The following ZFHX3 variants were observed in gnomAD, a reference collection of about 807,000 sequenced individuals.
ZFHX3 encodes the protein zinc finger homeobox protein 3.
In ZFHX3, 42 loss-of-function variants were observed where a neutral mutation model predicts 279.1. The observed-to-expected ratio is 0.15, with a 90% CI of 0.12 to 0.19. The LOEUF is 0.19. Ranked by LOEUF, ZFHX3 falls within the 10% of genes least tolerant of loss-of-function variation. ZFHX3 has a pLI of 1.00. For synonymous variants in ZFHX3, 2,293 were observed against 1,957.8 expected, an observed-to-expected ratio of 1.17 and a Z score of -4.52; for missense variants, 4,981 against 4,754.0, an observed-to-expected ratio of 1.05 and a Z score of -1.40.
chr16:72,936,276 C>T (rs557525359), intron 3 of ZFHX3, among the ~76,000 whole-genome samples: 4 of 152,292 alleles, frequency 2.6e-5, no homozygotes, highest in South Asian at 2.1e-4. Flanking sequence ...GGCAGAAGCA[C>T]GGCATGCTCT....
At position 72,949,754 on chromosome 16, in the gene ZFHX3, G is replaced by A. The variant is rs1169753123; in HGVS notation, c.3216+715C>T. ...CACAGAACCCAGGAAGCAACAGAGC[G>A]GGGAAGAAAAAAAAAACACACAAAG... On this transcript the variant is annotated intron_variant, in intron 3 of 9. Coordinates refer to ENST00000268489, the MANE Select transcript of ZFHX3 (RefSeq NM_006885.4). Among the ~76,000 whole-genome samples, 3 of 138,890 alleles carry A rather than the reference G, an allele frequency of 2.2e-5. 1 individual carries two copies. Among genetic ancestry groups the A allele is most frequent in the African/African-American group, 8.1e-5 (3 of 36,960 alleles). 91.1% of individuals were successfully genotyped at this position (138,890 alleles called of 152,430 possible). A position where few individuals can be genotyped will look rare whatever the true frequency, so the allele number is the denominator to read the frequency against.
intron 1 of ZFHX3, among the ~76,000 whole-genome samples, chr16:73,716,026 A>G (rs1354129243): frequency 6.6e-6 from 1 of 152,212 alleles, no homozygotes. Context: ...ACATTGTTTG[A>G]AAAATTATTT....
At chr16:73,145,070 A>G (rs1054338008) in intron 5 of ZFHX3, among the ~76,000 whole-genome samples, 25 of 152,166 alleles carry the variant, frequency 1.6e-4, no homozygotes, top group African/African-American at 6.0e-4. Flanking sequence ...CCTGTGCTGA[A>G]AGCCCCCATG....
At chr16:73,096,151 G>A (rs1966159334) in intron 7 of ZFHX3, among the ~76,000 whole-genome samples, 1 of 152,110 alleles carries the variant, frequency 6.6e-6, no homozygotes, top group South Asian at 2.1e-4. Flanking sequence ...CAGGGACCTG[G>A]AAACTCTTTA....
At position 73,019,354 on chromosome 16, in the gene ZFHX3, G is replaced by A. The variant is rs989983916; in HGVS notation, c.-50+28398C>T. Among the ~76,000 whole-genome samples the A allele has an allele frequency of 2.0e-5, 3 of 152,142 alleles. No individual in the cohort carries two copies. In the South Asian group the frequency reaches 6.2e-4, roughly 32 times the overall value. ...TGTGTGTGTCTGTGCGTGTGTGTGT[G>A]TGTGTGTGTGTGTGCGTGTGCGTGT... On this transcript the variant is annotated intron_variant, in intron 1 of 9. Transcript: ENST00000268489.
In ZFHX3 at chr16:73,485,437, A is replaced by AAG. The variant is rs1409045717; in HGVS notation, c.-1546-29180_-1546-29179insCT. 6.5e-4 allele frequency among the ~76,000 whole-genome samples: 72 copies of AAG among 111,174 alleles called. No individual in the cohort carries two copies. In the East Asian group the frequency reaches 0.015, roughly 23 times the overall value. The allele number at this position is 111,174 out of a possible 152,430, so 72.9% of individuals were successfully genotyped here. A position where few individuals can be genotyped will look rare whatever the true frequency, so the allele number is the denominator to read the frequency against. On this transcript the variant is annotated intron_variant, in intron 2 of 17. Transcript: ENST00000641206. ...GAGGGTGAGGGAGAAAAAAAAAAAA[A>AAG]AAAAAAAAAACTTTCTAGCATTTAC...
intron 1 of ZFHX3, among the ~76,000 whole-genome samples, chr16:73,814,971 A>G (rs965439274): frequency 1.2e-4 from 19 of 152,298 alleles, no homozygotes; most frequent in Non-Finnish European, 2.8e-4. Context: ...ATCTCTCAAG[A>G]GATTTTTTTA....
intron 5 of ZFHX3, among the ~76,000 whole-genome samples, chr16:73,195,775 T>C (rs1597214394): frequency 6.6e-6 from 1 of 151,664 alleles, no homozygotes; most frequent in African/African-American, 2.4e-5. Context: ...ATAGGACAGG[T>C]AAAGGTTGGT....
intron 4 of ZFHX3, among the ~76,000 whole-genome samples, chr16:72,846,685 G>A (rs764431144): frequency 6.6e-6 from 1 of 152,230 alleles, no homozygotes; most frequent in Non-Finnish European, 1.5e-5. Flanking sequence ...TGGTGGCCCC[G>A]GCAGGGATTT....
intron 5 of ZFHX3, among the ~76,000 whole-genome samples, chr16:73,197,236 A>G (rs58140129): frequency 2.6e-5 from 4 of 152,210 alleles, no homozygotes; most frequent in Non-Finnish European, 4.4e-5. Flanking sequence ...AGATATATCA[A>G]TTCATTACTG....
intron 2 of ZFHX3, among the ~76,000 whole-genome samples, chr16:73,515,642 C>A (rs1338105628): frequency 6.6e-6 from 1 of 151,936 alleles, no homozygotes. Flanking sequence ...CAAGAACCTA[C>A]GGATATAGTT....
At chr16:72,844,871 C>T (rs566084279) in intron 4 of ZFHX3, among the ~76,000 whole-genome samples, 1 of 152,040 alleles carries the variant, frequency 6.6e-6, no homozygotes, top group African/African-American at 2.4e-5. Context: ...CCCGCCCCCT[C>T]CCCTTCCTCA....
intron 1 of ZFHX3, among the ~76,000 whole-genome samples, chr16:73,760,306 A>G (rs1478848453): frequency 1.3e-5 from 2 of 152,188 alleles, no homozygotes; most frequent in Non-Finnish European, 1.5e-5. Context: ...ATCGCCTACC[A>G]ATCAAAAAAT....
intron 2 of ZFHX3, among the ~76,000 whole-genome samples, chr16:73,496,985 C>T (rs2019152718): frequency 6.6e-6 from 1 of 152,224 alleles, no homozygotes; most frequent in Middle Eastern, 3.2e-3. Flanking sequence ...CCATCTCCTC[C>T]TTTTGTTCCT....
At chr16:73,469,984 A>C (rs2018637702) in intron 2 of ZFHX3, among the ~76,000 whole-genome samples, 1 of 151,976 alleles carries the variant, frequency 6.6e-6, no homozygotes, top group Non-Finnish European at 1.5e-5. Flanking sequence ...TCCCAACATG[A>C]TTCTAATGTG....
chr16:72,925,931 G>C (rs998782781), intron 3 of ZFHX3, among the ~76,000 whole-genome samples: 24 of 152,152 alleles, frequency 1.6e-4, no homozygotes, highest in Admixed American at 5.2e-4. Flanking sequence ...TTTCTTGAAA[G>C]GGCCCTATAT....
intron 3 of ZFHX3, among the ~76,000 whole-genome samples, chr16:73,393,672 G>T (rs2017066493): frequency 6.6e-6 from 1 of 152,084 alleles, no homozygotes; most frequent in Non-Finnish European, 1.5e-5. Context: ...AACTATGAAA[G>T]TTGGGACCTA....
intron 5 of ZFHX3, among the ~76,000 whole-genome samples, chr16:73,248,748 T>C (rs1048127863): frequency 6.6e-6 from 1 of 152,134 alleles, no homozygotes; most frequent in Non-Finnish European, 1.5e-5. Context: ...GAATGGAACG[T>C]CTGCTTTTCT....
At chr16:73,026,497 C>A (rs1410289954) in intron 1 of ZFHX3, among the ~76,000 whole-genome samples, 2 of 151,590 alleles carry the variant, frequency 1.3e-5, no homozygotes, top group African/African-American at 2.4e-5. Context: ...CATGGTGAAA[C>A]CCTGTCTCTA....
Sources: allele counts gnomAD v4.1 joint callset (sites outside exome capture counted in the v4.1 genomes callset), GRCh38; gene constraint gnomAD v4.1.1; transcripts MANE v1.5; gene names NCBI Gene and HGNC (gene_info 2026-07-23, HGNC 2026-07-21).